The following NOTCH4 variants were observed in gnomAD, a reference collection of about 807,000 sequenced individuals.
The protein encoded by NOTCH4 is notch receptor 4.
In NOTCH4, 138 loss-of-function variants were observed where a neutral mutation model predicts 189.0. The ratio of observed to expected loss-of-function variants is 0.73; its 90% CI spans 0.64 to 0.84. The LOEUF (loss-of-function observed/expected upper bound fraction) is 0.84. Among genes scored for constraint, NOTCH4 ranks in the 40% least tolerant of loss-of-function variants. The pLI is 0.00. For synonymous variants in NOTCH4, 942 were observed against 1,032.8 expected (o/e 0.91, Z 1.69); for missense variants, 2,286 against 2,605.4 (o/e 0.88, Z 2.67).
Position 32,199,109 on chromosome 6 carries a change from C to T in NOTCH4, c.4352G>A (p.Cys1451Tyr), listed in dbSNP as rs1383865698. ...PANQLPWPVL[C>Y]SPVAGVILLA... ...GAGAATCACCCCGGCCACTGGGGAGCACAGCACAGGCCAGGGAAGCTGGTT... is the reference window on the plus strand; with the variant it reads ...GAGAATCACCCCGGCCACTGGGGAGTACAGCACAGGCCAGGGAAGCTGGTT... The change falls in exon 24 of 30, where the codon TGC becomes TAC. Residue 1451 changes from cysteine to tyrosine, a missense_variant. This residue lies in a region of NOTCH4 where 1,903 missense variants were observed against 2,261.9 expected (regional missense o/e 0.84). Coordinates refer to ENST00000375023, the MANE Select transcript of NOTCH4 (RefSeq NM_004557.4). The surrounding 1 kb of genome is among the most constrained non-coding windows in gnomAD (Gnocchi z 4.9). 2 of 1,610,814 alleles carry T rather than the reference C, an allele frequency of 1.2e-6. No individual in the cohort carries two copies.
At chr6:32,213,274 G>A in intron 14 of NOTCH4, 22 bp from the exon 15 acceptor site, 1 of 1,570,424 alleles carries the variant, frequency 6.4e-7, no homozygotes, top group Non-Finnish European at 8.8e-7. Context: ...AGGCTGTGAG[G>A]GTTTGGGTTC....
chr6:32,201,235 G>A lies in NOTCH4; in HGVS notation c.4021C>T (p.Pro1341Ser), dbSNP rs373843678. 22 of 1,613,022 alleles carry A rather than the reference G, an allele frequency of 1.4e-5. No individual in the cohort carries two copies. The highest frequency in any genetic ancestry group is 1.9e-5 in the Non-Finnish European group (22 of 1,180,014). Residue 1341 changes from proline (P) to serine (S), a missense_variant, in exon 22 of 30, where the codon CCC becomes TCC. Pro to Ser is a moderately conservative substitution (Grantham distance 74, BLOSUM62 -1). Around this residue, in one of 2 missense-constraint regions of NOTCH4, gnomAD observed 1,903 missense variants for 2,261.9 expected, o/e 0.84. Coordinates refer to ENST00000375023, the MANE Select transcript of NOTCH4 (RefSeq NM_004557.4). The surrounding 1 kb of genome is among the most constrained non-coding windows in gnomAD (Gnocchi z 5.5). ...KDRDGRDMVY[P>S]YPGARAEEKL... is the part of the protein sequence containing the mutation. ...TCTTCAGCCCGGGCCCCAGGATAGG[G>A]GTACACCATGTCCCTGCCATCACGA... is the stretch of plus-strand genomic sequence containing the variant.
chr6:32,203,729 G>T, intron 20 of NOTCH4, 41 bp downstream of exon 20: 2 of 1,450,486 alleles, frequency 1.4e-6, no homozygotes, highest in Non-Finnish European at 9.4e-7. Context: ...TGCCTTGTCA[G>T]CATAGGGGGC....
intron 26 of NOTCH4, 21 bp from the exon 27 acceptor site, chr6:32,197,615 T>C: frequency 6.3e-7 from 1 of 1,589,696 alleles, no homozygotes; most frequent in Non-Finnish European, 8.6e-7. Context: ...GACAGAGTAA[T>C]GGGTCAATCT....
chr6:32,206,687 G>GA (rs1279063519), intron 18 of NOTCH4, among the ~76,000 whole-genome samples: 9 of 152,014 alleles, frequency 5.9e-5, no homozygotes, highest in Non-Finnish European at 1.5e-5. Flanking sequence ...TACAGAAATA[G>GA]AAAAAACAAC....
chr6:32,210,626 G>C lies in NOTCH4; in HGVS notation c.2865+126C>G. 1 of 876,692 alleles carries C rather than the reference G, an allele frequency of 1.1e-6. No homozygotes were observed. Among genetic ancestry groups the C allele is most frequent in the Non-Finnish European group, 1.8e-6 (1 of 552,926 alleles). 54.3% of individuals were successfully genotyped at this position (876,692 alleles called of 1,614,324 possible). ...GTGGCATGACTTTGTGGTTAGTTGG[G>C]TGTGTGGGGTTAAAAAAAATAAAAG... is the stretch of plus-strand genomic sequence containing the variant. On this transcript the variant is annotated intron_variant, in intron 18 of 29. Transcript: ENST00000375023. The surrounding 1 kb of genome is among the most constrained non-coding windows in gnomAD (Gnocchi z 4.8).
rs2127464553 is a variant in NOTCH4, at chr6:32,200,219, T to C, written c.4315+612A>G. Among the ~76,000 whole-genome samples, 1 of 151,750 alleles carries C rather than the reference T, an allele frequency of 6.6e-6. No individual in the cohort carries two copies. The highest frequency in any genetic ancestry group is 2.4e-5 in the African/African-American group (1 of 41,418). ...TACGATATAGCAGTTATTTTTCTTT[T>C]TTTTTTTTTGAGATGGAGTCTCCCT... On this transcript the variant is annotated intron_variant, in intron 23 of 29. Transcript: ENST00000375023. The surrounding 1 kb of genome is among the most constrained non-coding windows in gnomAD (Gnocchi z 5.0).
In NOTCH4 at chr6:32,201,248, C is replaced by T. The variant is rs748019439; in HGVS notation, c.4008G>A (p.Arg1336=). ...CCCCAGGATAGGGGTACACCATGTCCCTGCCATCACGATCCTTCCTTACCC... is the reference window on the plus strand; with the variant it reads ...CCCCAGGATAGGGGTACACCATGTCTCTGCCATCACGATCCTTCCTTACCC... ...GLWVRKDRDG[R]DMVYPYPGAR... The change falls in exon 22 of 30, where the codon AGG becomes AGA. Residue 1336 remains arginine (R), a synonymous_variant. Coordinates refer to ENST00000375023, the MANE Select transcript of NOTCH4 (RefSeq NM_004557.4). The surrounding 1 kb of genome is among the most constrained non-coding windows in gnomAD (Gnocchi z 5.5). 3 of 1,612,914 alleles carry T rather than the reference C, an allele frequency of 1.9e-6. No individual in the cohort carries two copies. The African/African-American group carries it at 4.0e-5, about 22-fold the overall frequency.
intron 2 of NOTCH4, 41 bp downstream of exon 2, chr6:32,222,964 C>G: frequency 6.3e-7 from 1 of 1,582,080 alleles, no homozygotes; most frequent in Non-Finnish European, 8.7e-7. Flanking sequence ...CTCTCCCTCC[C>G]CCTTTCTCTC....
Position 32,217,304 on chromosome 6 carries a change from G to A in NOTCH4, c.1625-38C>T, listed in dbSNP as rs376965098. ...AAGTGGGTGGGGAGAGGAGGCCAAG[G>A]TCATCGAGGGAGGCACAGCATGGCG... On this transcript the variant is annotated intron_variant, in intron 9 of 29. Coordinates refer to ENST00000375023, the MANE Select transcript of NOTCH4 (RefSeq NM_004557.4). The surrounding 1 kb of genome is among the most constrained non-coding windows in gnomAD (Gnocchi z 4.2). 2.9e-4 allele frequency: 393 copies of A among 1,372,642 alleles called. No individual in the cohort carries two copies. The highest frequency in any genetic ancestry group is 4.1e-4 in the South Asian group (35 of 85,370). The allele number at this position is 1,372,642 out of a possible 1,614,324, so 85.0% of individuals were successfully genotyped here.
In NOTCH4 at chr6:32,196,081, C is replaced by A. The variant is rs1561909400; in HGVS notation, c.5368G>T (p.Gly1790Trp). The A allele has an allele frequency of 1.1e-5, 18 of 1,592,890 alleles. No individual in the cohort carries two copies. Among genetic ancestry groups the A allele is most frequent in the Non-Finnish European group, 1.5e-5 (18 of 1,176,824 alleles). Residue 1790 changes from glycine to tryptophan, a missense_variant, in exon 30 of 30, where the codon GGG becomes TGG. Transcript: ENST00000375023. The stretch of plus-strand genomic sequence containing the variant: ...TGGTCCCGCAGCTCTCGGGCTGCCC[C>A]CAGCCCCAGCAGTAGCTGGGCTACT... ...VEVAQLLLGLGAARELRDQAG... is the reference protein window; with the variant it reads ...VEVAQLLLGLWAARELRDQAG...
At chr6:32,216,800 C>G in intron 11 of NOTCH4, 145 bp downstream of exon 11, 1 of 1,019,596 alleles carries the variant, frequency 9.8e-7, no homozygotes, top group Non-Finnish European at 1.5e-6. Context: ...TACAATTGTG[C>G]AGGTTTTACA....
At position 32,195,549 on chromosome 6, in the gene NOTCH4, A is replaced by G; in HGVS notation, c.5900T>C (p.Ile1967Thr). Residue 1967 changes from isoleucine (I) to threonine (T), a missense_variant, in exon 30 of 30, where the codon ATC becomes ACC. Physicochemically the swap from Ile to Thr is moderately conservative, Grantham distance 89. Around this residue, in one of 2 missense-constraint regions of NOTCH4, gnomAD observed 383 missense variants for 343.5 expected, o/e 1.11. Transcript: ENST00000375023. The surrounding 1 kb of genome is among the most constrained non-coding windows in gnomAD (Gnocchi z 5.4). ...GGACGGAGTAAGGCAAGGAGGCGGGATCGGAATGTTGGAGGCAGAACCGCA... is the reference window on the plus strand; with the variant it reads ...GGACGGAGTAAGGCAAGGAGGCGGGGTCGGAATGTTGGAGGCAGAACCGCA... Reference protein sequence around the residue: ...GACGSASNIPIPPPCLTPSPE... With the variant: ...GACGSASNIPTPPPCLTPSPE... 6.2e-7 allele frequency: 1 copy of G among 1,613,030 alleles called. No individual in the cohort carries two copies. Among genetic ancestry groups the G allele is most frequent in the South Asian group, 1.1e-5 (1 of 91,078 alleles).
rs1299299702 is a variant in NOTCH4, at chr6:32,202,486, GGCACA to G, written c.3340_3344del (p.Cys1114LeufsTer9). On this transcript the variant is annotated frameshift_variant, in exon 21 of 30. Transcript: ENST00000375023. LOFTEE classifies it high-confidence loss of function. This position sits in a 1 kb window ranked among gnomAD's most constrained non-coding sequence, Gnocchi z 5.7. ...CAGGACCCCCATAGCCACTGAGGCA[GGCACA>G]GCGTGGTGGGAAGCCTGGCTTAGGG... 1 of 1,612,680 alleles carries G rather than the reference GGCACA, an allele frequency of 6.2e-7. No homozygotes were observed. Among genetic ancestry groups the G allele is most frequent in the Non-Finnish European group, 8.5e-7 (1 of 1,179,774 alleles).
rs764780780 is a variant in NOTCH4 at position 32,198,474 on chromosome 6, G to C, written c.4703C>G (p.Thr1568Ser). 6.2e-7 allele frequency: 1 copy of C among 1,612,910 alleles called. No individual in the cohort carries two copies. The highest frequency in any genetic ancestry group is 8.5e-7 in the Non-Finnish European group (1 of 1,180,000). ...TTCCATCTCAGATTCCTGGGGAGGAGTTAGCATGGCTGCCTGAGGGAGCGC... is the reference window on the plus strand; with the variant it reads ...TTCCATCTCAGATTCCTGGGGAGGACTTAGCATGGCTGCCTGAGGGAGCGC... ...CGALPQAAML[T>S]PPQESEMEAP... Residue 1568 changes from threonine (T) to serine (S), a missense_variant, in exon 26 of 30, where the codon ACT (threonine) becomes AGT (serine). Coordinates refer to ENST00000375023, the MANE Select transcript of NOTCH4 (RefSeq NM_004557.4). This position sits in a 1 kb window ranked among gnomAD's most constrained non-coding sequence, Gnocchi z 5.5.
rs1320368815 is a variant in NOTCH4 at position 32,222,582 on chromosome 6, CAGA to C, written c.377_379del (p.Phe126del). ...GATGTGGCAGCGGCCCCTTTTGGAACAGAAGGAGGGAGGACAAGGGTCTTCAAG... is the reference window on the plus strand; with the variant it reads ...GATGTGGCAGCGGCCCCTTTTGGAACAGGAGGGAGGACAAGGGTCTTCAAG... On this transcript the variant is annotated inframe_deletion, in exon 3 of 30. Transcript: ENST00000375023. 2 of 1,591,452 alleles carry C rather than the reference CAGA, an allele frequency of 1.3e-6. No individual in the cohort carries two copies. Among genetic ancestry groups the C allele is most frequent in the Admixed American group, 1.9e-5 (1 of 52,840 alleles).
chr6:32,215,494 A>G, intron 11 of NOTCH4, 109 bp from the exon 12 acceptor site: 1 of 1,086,452 alleles, frequency 9.2e-7, no homozygotes, highest in Non-Finnish European at 1.3e-6. Flanking sequence ...TGCCTTACTC[A>G]CTCCCTATGA....
chr6:32,196,577 G>A (rs1231275110), intron 28 of NOTCH4, among the ~76,000 whole-genome samples, 156 bp from the exon 29 acceptor site: 3 of 152,242 alleles, frequency 2.0e-5, no homozygotes, highest in East Asian at 3.8e-4. Flanking sequence ...CCTGCAGGAA[G>A]TGTTGCCCTG....
Position 32,212,746 on chromosome 6 carries a change from C to A in NOTCH4, c.2526+78G>T. On this transcript the variant is annotated intron_variant, in intron 16 of 29. Transcript: ENST00000375023. This position sits in a 1 kb window ranked among gnomAD's most constrained non-coding sequence, Gnocchi z 4.4. ...ACTTCAAAAACCTTCTCCTGAATGG[C>A]CTGGGACCAGGTGACCCTCCCTGGT... 6.8e-7 allele frequency: 1 copy of A among 1,469,344 alleles called. No individual in the cohort carries two copies. Among genetic ancestry groups the A allele is most frequent in the Non-Finnish European group, 9.1e-7 (1 of 1,094,608 alleles). 91.0% of individuals were successfully genotyped at this position (1,469,344 alleles called of 1,614,324 possible).
Sources: gnomAD v4.1 joint callset for allele counts (sites outside exome capture counted in the v4.1 genomes callset) on GRCh38, gnomAD v4.1.1 for gene constraint, gnomAD v4.1.1 regional missense constraint, Gnocchi (gnomAD v3.1) non-coding constraint, MANE v1.5 for transcripts, NCBI Gene and HGNC (gene_info 2026-07-23, HGNC 2026-07-21) for gene names.